Variants in USP35 observed in about 807,000 individuals in gnomAD.
USP35 encodes the protein ubiquitin carboxyl-terminal hydrolase 35.
USP35 carries 69 observed loss-of-function variants against 83.8 expected under a neutral mutation model. That is an observed-to-expected ratio of 0.82 (90% CI 0.68 to 1.01). The LOEUF (loss-of-function observed/expected upper bound fraction) is 1.01. USP35 is among the 50% of genes least tolerant of loss of function. The probability of loss-of-function intolerance (pLI) is 0.00; values close to 1 mark genes in which losing one functional copy is unlikely to be tolerated. For missense variants in USP35, 1,503 were observed against 1,362.5 expected, an observed-to-expected ratio of 1.10 and a Z score of -1.62; for synonymous variants, 714 against 589.5, an observed-to-expected ratio of 1.21 and a Z score of -3.06.
At chr11:78,231,316 G>C in the USP35 span, among the ~76,000 whole-genome samples, 1 of 145,562 alleles carries the variant, frequency 6.9e-6, no homozygotes, top group African/African-American at 2.8e-5. Flanking sequence ...CTCTCCCTTG[G>C]TGCGCGCGCG....
At chr11:78,231,038 C>T in the USP35 span, among the ~76,000 whole-genome samples, 1 of 152,202 alleles carries the variant, frequency 6.6e-6, no homozygotes, top group African/African-American at 2.4e-5. Context: ...GATACTATGC[C>T]ATACATATCA....
Position 78,206,023 on chromosome 11 carries a change from T to G in USP35, c.1379T>G (p.Phe460Cys), listed in dbSNP as rs753277082. 6.2e-7 allele frequency: 1 copy of G among 1,612,966 alleles called. No homozygotes were observed. The highest frequency in any genetic ancestry group is 2.2e-5 in the East Asian group (1 of 44,860). Residue 460 changes from phenylalanine to cysteine, a missense_variant, in exon 7 of 11, where the codon TTC (phenylalanine) becomes TGC (cysteine). Phe to Cys is a radical substitution (Grantham distance 205, BLOSUM62 -2). Transcript: ENST00000529308. ...GTCAACAGCATCCTTCAGGCCTTATTCATGGCGTCTGAGTAGGTGCTGCTT... is the reference window on the plus strand; with the variant it reads ...GTCAACAGCATCCTTCAGGCCTTATGCATGGCGTCTGAGTAGGTGCTGCTT... ...CYVNSILQAL[F>C]MASDFRHCVL...
At chr11:78,205,729 C>A in intron 6 of USP35, 113 bp from the exon 7 acceptor site, 1 of 1,168,518 alleles carries the variant, frequency 8.6e-7, no homozygotes, top group South Asian at 1.5e-5. Flanking sequence ...GGGGGGTGTG[C>A]CTGGGAGGCC....
the USP35 span, chr11:78,223,465 C>T: frequency 1.3e-6 from 2 of 1,592,296 alleles, no homozygotes; most frequent in Admixed American, 1.7e-5. Flanking sequence ...AATCTCACTT[C>T]CTCTGCTGGG....
the USP35 span, among the ~76,000 whole-genome samples, chr11:78,234,764 A>G: frequency 6.6e-6 from 1 of 152,066 alleles, no homozygotes; most frequent in Non-Finnish European, 1.5e-5. Context: ...CTTGAAATCA[A>G]GTAATATAAA....
chr11:78,200,583 G>C (rs1407424558), intron 5 of USP35, 67 bp from the exon 6 acceptor site: 1 of 1,540,538 alleles, frequency 6.5e-7, no homozygotes. Flanking sequence ...GCTGTCAGCA[G>C]GGACCACAGC....
the USP35 span, chr11:78,220,421 G>A: frequency 1.6e-5 from 26 of 1,585,252 alleles, no homozygotes; most frequent in Middle Eastern, 5.0e-4. Flanking sequence ...CACTGGGAAC[G>A]GGAGATGCAG....
rs900491684 is a variant in USP35 at position 78,200,550 on chromosome 11, C to A, written c.1039-100C>A. 40 of 1,498,076 alleles carry A rather than the reference C, an allele frequency of 2.7e-5. 1 individual carries two copies. The highest frequency in any genetic ancestry group is 2.5e-4 in the Middle Eastern group (1 of 4,060). The allele number at this position is 1,498,076 out of a possible 1,614,324, so 92.8% of individuals were successfully genotyped here. On this transcript the variant is annotated intron_variant, in intron 5 of 10. Coordinates refer to ENST00000529308, the MANE Select transcript of USP35 (RefSeq NM_020798.4). ...GGACAGTGGTCAGGTGGGCAAGCCTCCCTACCTCAGAGAGTGTTGCGTGCT... is the reference window on the plus strand; with the variant it reads ...GGACAGTGGTCAGGTGGGCAAGCCTACCTACCTCAGAGAGTGTTGCGTGCT...
intron 10 of USP35, 86 bp downstream of exon 10, chr11:78,210,830 C>T (rs1046823974): frequency 3.6e-6 from 5 of 1,377,148 alleles, no homozygotes; most frequent in Non-Finnish European, 3.9e-6. Flanking sequence ...CATTTCCCCT[C>T]TAAGTCTTTT....
At position 78,189,042 on chromosome 11, in the gene USP35, C is replaced by T. The variant is rs1288685884; in HGVS notation, c.-126C>T. The T allele has an allele frequency of 1.1e-5, 9 of 820,496 alleles. No individual in the cohort carries two copies. The highest frequency in any genetic ancestry group is 1.3e-5 in the Non-Finnish European group (9 of 679,566). The allele number at this position is 820,496 out of a possible 1,614,324, so 50.8% of individuals were successfully genotyped here. A position where few individuals can be genotyped will look rare whatever the true frequency, so the allele number is the denominator to read the frequency against. ...CTTCCGTCTGGGACCTGGCTGAGGG[C>T]GTCCCCACCCTGGGGGGAGCAGAGG... is the stretch of plus-strand genomic sequence containing the variant. On this transcript the variant is annotated 5_prime_UTR_variant, in exon 1 of 11. Coordinates refer to ENST00000529308, the MANE Select transcript of USP35 (RefSeq NM_020798.4).
the USP35 span, chr11:78,226,359 G>A: frequency 8.0e-6 from 7 of 877,194 alleles, no homozygotes. Context: ...GACCTAGGTG[G>A]TTCGTAAGTT....
At chr11:78,207,712 G>C in intron 8 of USP35, 89 bp downstream of exon 8, 3 of 1,316,768 alleles carry the variant, frequency 2.3e-6, no homozygotes. Context: ...GGACCTGCCT[G>C]CATCTGGCTG....
chr11:78,220,418 A>G, the USP35 span: 19 of 1,589,770 alleles, frequency 1.2e-5, no homozygotes, highest in Middle Eastern at 1.7e-4. Flanking sequence ...TGCCACTGGG[A>G]ACGGGAGATG....
chr11:78,212,440 G>A (rs1348384022), intron 10 of USP35, among the ~76,000 whole-genome samples: 1 of 145,436 alleles, frequency 6.9e-6, no homozygotes, highest in Non-Finnish European at 1.5e-5. Context: ...GGCTCCGTAT[G>A]AATTTTAAAA....
chr11:78,200,044 G>A, intron 4 of USP35, 89 bp from the exon 5 acceptor site: 12 of 1,399,000 alleles, frequency 8.6e-6, no homozygotes, highest in Non-Finnish European at 1.2e-5. Flanking sequence ...TGAACTCTAG[G>A]GTGTCTCTGA....
At chr11:78,226,548 A>G in the USP35 span, 2 of 1,415,704 alleles carry the variant, frequency 1.4e-6, no homozygotes, top group Non-Finnish European at 1.9e-6. Context: ...ATTTTCACTG[A>G]TTGGCGGTCT....
chr11:78,207,404 C>T (rs1863562416), intron 7 of USP35, 126 bp from the exon 8 acceptor site: 2 of 900,910 alleles, frequency 2.2e-6, no homozygotes, highest in Middle Eastern at 4.6e-4. Context: ...GCTTCTGGCT[C>T]CGTCTTGGGG....
chr11:78,212,918 G>C (rs1222381835), intron 10 of USP35, among the ~76,000 whole-genome samples: 1 of 152,074 alleles, frequency 6.6e-6, no homozygotes, highest in Non-Finnish European at 1.5e-5. Context: ...CGGGTGTGGG[G>C]GGAGGGGGTC....
the USP35 span, chr11:78,221,568 A>C: frequency 1.7e-6 from 1 of 594,702 alleles, no homozygotes; most frequent in Non-Finnish European, 3.1e-6. Context: ...TGAATAATAC[A>C]AGGAGTCCCT....
Sources: gnomAD v4.1 joint callset for allele counts (sites outside exome capture counted in the v4.1 genomes callset) on GRCh38, gnomAD v4.1.1 for gene constraint, MANE v1.5 for transcripts, NCBI Gene and HGNC (gene_info 2026-07-23, HGNC 2026-07-21) for gene names.